The following TAT variants were observed in gnomAD, a reference collection of about 807,000 sequenced individuals.
The protein encoded by TAT is tyrosine aminotransferase.
In TAT, 35 loss-of-function variants were observed where a neutral mutation model predicts 53.6. That is an observed-to-expected ratio of 0.65 (90% CI 0.50 to 0.87). TAT has a LOEUF of 0.87. Ranked by LOEUF, TAT falls within the 40% of genes least tolerant of loss-of-function variation. The pLI is 0.00. For synonymous variants in TAT, 197 were observed against 206.5 expected, an observed-to-expected ratio of 0.95 and a Z score of 0.39; for missense variants, 525 against 571.8, an observed-to-expected ratio of 0.92 and a Z score of 0.83.
intron 7 of TAT, among the ~76,000 whole-genome samples, chr16:71,571,133 A>G (rs1379190709): frequency 6.6e-6 from 1 of 152,204 alleles, no homozygotes; most frequent in Non-Finnish European, 1.5e-5. Flanking sequence ...GGAGTTACAG[A>G]TTTAAAATAT....
In TAT at chr16:71,568,339, C is replaced by T. The variant is rs948004448; in HGVS notation, c.1225-55G>A. ...AGCAATTGAGTCTGGTACTGGACCA[C>T]CCTAAAATGGTCAGGACCCTGATCC... On this transcript the variant is annotated intron_variant, in intron 11 of 11. Transcript: ENST00000355962. 4 of 1,593,536 alleles carry T rather than the reference C, an allele frequency of 2.5e-6. No homozygotes were observed. The African/African-American group carries it at 4.0e-5, about 16-fold the overall frequency.
Position 71,572,210 on chromosome 16 carries a change from G to A in TAT, c.682C>T (p.Arg228Cys), listed in dbSNP as rs373836375. ...CCTGCCAGAATCTTCTGAAGATGAC[G>A]TTTGCTGAACACTGACCCACAGGGG... The part of the protein sequence containing the change: ...SNPCGSVFSK[R>C]HLQKILAVAA... Residue 228 changes from arginine (R) to cysteine (C), a missense_variant, in exon 6 of 12, where the codon CGT becomes TGT. By Grantham distance (180) the Arg-to-Cys change is radical (BLOSUM62 -3). Transcript: ENST00000355962. 7.4e-6 allele frequency: 12 copies of A among 1,614,096 alleles called. No homozygotes were observed. Among genetic ancestry groups the A allele is most frequent in the Admixed American group, 3.3e-5 (2 of 60,000 alleles).
intron 3 of TAT, chr16:71,574,958 A>G (rs1413744148): frequency 6.6e-6 from 1 of 152,222 alleles, no homozygotes; most frequent in Non-Finnish European, 1.5e-5. Flanking sequence ...TCTCCTTTGA[A>G]ATGAAATGTT....
rs2044162117 is a variant in TAT at position 71,566,246 on chromosome 16, A to T, written c.*1898T>A. 6.6e-6 allele frequency: 1 copy of T among 152,016 alleles called. No homozygotes were observed. The highest frequency in any genetic ancestry group is 2.1e-4 in the South Asian group (1 of 4,834). The allele number at this position is 152,016 out of a possible 1,614,324, so 9.4% of individuals were successfully genotyped here. A position where few individuals can be genotyped will look rare whatever the true frequency, so the allele number is the denominator to read the frequency against. ...CACTGAACTCAAATTGAAAGGGAAC[A>T]TATGCTGTTTATTTTTGTGAAGGAC... On this transcript the variant is annotated 3_prime_UTR_variant, in exon 12 of 12. Transcript: ENST00000355962.
chr16:71,573,679 G>T, intron 3 of TAT, 73 bp from the exon 4 acceptor site: 1 of 1,333,700 alleles, frequency 7.5e-7, no homozygotes, highest in Non-Finnish European at 1.1e-6. Context: ...ACCCGGACTT[G>T]GAGTGCAGTG....
At position 71,567,870 on chromosome 16, in the gene TAT, G is replaced by GA. The variant is rs2044174746; in HGVS notation, c.*273dup. The GA allele has an allele frequency of 8.9e-6, 4 of 450,682 alleles. No individual in the cohort carries two copies. Among genetic ancestry groups the GA allele is most frequent in the African/African-American group, 5.9e-5 (3 of 50,434 alleles). 27.9% of individuals were successfully genotyped at this position (450,682 alleles called of 1,614,324 possible). A position where few individuals can be genotyped will look rare whatever the true frequency, so the allele number is the denominator to read the frequency against. On this transcript the variant is annotated 3_prime_UTR_variant, in exon 12 of 12. Transcript: ENST00000355962. ...AACTTTGTTCACCTGGTACTTTCAAGAAAAAAAGAAGGAAATCTTACGAGA... is the reference window on the plus strand; with the variant it reads ...AACTTTGTTCACCTGGTACTTTCAAGAAAAAAAAGAAGGAAATCTTACGAGA...
chr16:71,571,236 C>A (rs1441042784), intron 7 of TAT, among the ~76,000 whole-genome samples: 1 of 152,166 alleles, frequency 6.6e-6, no homozygotes, highest in Non-Finnish European at 1.5e-5. Flanking sequence ...AGCACACTTA[C>A]CATACGTTAT....
Position 71,576,207 on chromosome 16 carries a change from T to C in TAT, c.209A>G (p.Asn70Ser). 1 of 1,614,110 alleles carries C rather than the reference T, an allele frequency of 6.2e-7. No homozygotes were observed. The highest frequency in any genetic ancestry group is 1.1e-5 in the South Asian group (1 of 91,074). Residue 70 changes from asparagine to serine, a missense_variant, in exon 2 of 12, where the codon AAC (asparagine) becomes AGC (serine). By Grantham distance (46) the Asn-to-Ser change is conservative. Coordinates refer to ENST00000355962, the MANE Select transcript of TAT (RefSeq NM_000353.3). Reference sequence around the variant, plus strand: ...AATGGACAGGGAAATCATGGTTTTGTTTGGATTTGGTTTCACCTTCATGTT... The same window carrying C: ...AATGGACAGGGAAATCATGGTTTTGCTTGGATTTGGTTTCACCTTCATGTT... ...VDNMKVKPNPNKTMISLSIGD... is the reference protein window; with the variant it reads ...VDNMKVKPNPSKTMISLSIGD...
intron 2 of TAT, 41 bp from the exon 3 acceptor site, chr16:71,576,067 T>C (rs201161085): frequency 2.0e-5 from 33 of 1,612,172 alleles, no homozygotes; most frequent in Non-Finnish European, 2.6e-5. Flanking sequence ...CAAGAGGTTA[T>C]TCTCCCATGT....
intron 3 of TAT, among the ~76,000 whole-genome samples, chr16:71,573,956 A>G (rs2044220454): frequency 6.6e-6 from 1 of 152,060 alleles, no homozygotes; most frequent in African/African-American, 2.4e-5. Context: ...TGCTGGGATT[A>G]CAGGGGTGAG....
rs1423556308 is a variant in TAT at position 71,570,330 on chromosome 16, A to G, written c.980T>C (p.Leu327Pro). The G allele has an allele frequency of 3.7e-6, 6 of 1,614,090 alleles. No individual in the cohort carries two copies. Among genetic ancestry groups the G allele is most frequent in the Non-Finnish European group, 5.1e-6 (6 of 1,180,048 alleles). ...CGGGGTGCGACATAGGATGCTTTTC[A>G]GAGCTCCCTGGACAATGGTACAGGG... ...LGPCTIVQGA[L>P]KSILCRTPGE... The change falls in exon 9 of 12, where the codon CTG becomes CCG. Residue 327 changes from leucine (L) to proline (P), a missense_variant. Transcript: ENST00000355962.
At chr16:71,575,408 T>G (rs1323057678) in intron 3 of TAT, 1 of 156,904 alleles carries the variant, frequency 6.4e-6, no homozygotes, top group South Asian at 1.9e-4. Context: ...GCCCATTTTT[T>G]GTTGTTCTTG....
chr16:71,575,611 C>A, intron 3 of TAT: 1 of 422,360 alleles, frequency 2.4e-6, no homozygotes, highest in Non-Finnish European at 4.4e-6. Context: ...AAAGCTCCTG[C>A]CAGACTCAAG....
chr16:71,570,880 C>G, intron 7 of TAT, 49 bp from the exon 8 acceptor site: 1 of 1,598,854 alleles, frequency 6.3e-7, no homozygotes, highest in Non-Finnish European at 8.5e-7. Context: ...CTTCTCACTG[C>G]AATCCCAGAT....
chr16:71,576,096 C>T, intron 2 of TAT, 70 bp from the exon 3 acceptor site: 2 of 1,608,354 alleles, frequency 1.2e-6, no homozygotes, highest in Non-Finnish European at 1.7e-6. Flanking sequence ...CAGACTCACC[C>T]CCAACTGCCA....
At chr16:71,573,113 G>A (rs894259241) in intron 4 of TAT, among the ~76,000 whole-genome samples, 11 of 152,164 alleles carry the variant, frequency 7.2e-5, no homozygotes, top group African/African-American at 2.4e-4. Context: ...CATCAATTCA[G>A]TATGTCCTGG....
In TAT at chr16:71,567,134, C is replaced by T. The variant is rs1167696318; in HGVS notation, c.*1010G>A. ...TTTAAGAAAGCCTGATGCCGCTGGGCGAGGTGGCTCACGCCTGTAATCCCA... is the reference window on the plus strand; with the variant it reads ...TTTAAGAAAGCCTGATGCCGCTGGGTGAGGTGGCTCACGCCTGTAATCCCA... On this transcript the variant is annotated 3_prime_UTR_variant, in exon 12 of 12. Coordinates refer to ENST00000355962, the MANE Select transcript of TAT (RefSeq NM_000353.3). 7.9e-5 allele frequency: 12 copies of T among 152,196 alleles called. No homozygotes were observed. In the East Asian group the frequency reaches 2.3e-3, roughly 29 times the overall value. 9.4% of individuals were successfully genotyped at this position (152,196 alleles called of 1,614,324 possible).
At chr16:71,576,975 C>T (rs1457733789) in intron 1 of TAT, 34 bp downstream of exon 1, 1 of 169,914 alleles carries the variant, frequency 5.9e-6, no homozygotes, top group South Asian at 1.5e-4. Flanking sequence ...AATCAGTCAC[C>T]ACTGCCTGAT....
In TAT at chr16:71,567,372, G is replaced by C. The variant is rs2044171017; in HGVS notation, c.*772C>G. On this transcript the variant is annotated 3_prime_UTR_variant, in exon 12 of 12. Transcript: ENST00000355962. ...TGCAGTGAGCCGAGATCGCGCCACTGCACTCCAGCATGGGCGACAGAGCAA... is the reference window on the plus strand; with the variant it reads ...TGCAGTGAGCCGAGATCGCGCCACTCCACTCCAGCATGGGCGACAGAGCAA... 6.6e-6 allele frequency: 1 copy of C among 152,218 alleles called. No homozygotes were observed. Among genetic ancestry groups the C allele is most frequent in the Non-Finnish European group, 1.5e-5 (1 of 68,170 alleles). The allele number at this position is 152,218 out of a possible 1,614,324, so 9.4% of individuals were successfully genotyped here.
Sources: allele counts gnomAD v4.1 joint callset (sites outside exome capture counted in the v4.1 genomes callset), GRCh38; gene constraint gnomAD v4.1.1; transcripts MANE v1.5; gene names NCBI Gene and HGNC (gene_info 2026-07-23, HGNC 2026-07-21).